The following QSER1 variants were observed in gnomAD, a reference collection of about 807,000 sequenced individuals.
The protein encoded by QSER1 is glutamine and serine rich 1, also known as glutamine and serine-rich protein 1.
Under a neutral mutation model 158.5 loss-of-function variants are expected in QSER1, and 49 were observed. The observed-to-expected ratio is 0.31, with a 90% confidence interval of 0.25 to 0.39. The LOEUF (loss-of-function observed/expected upper bound fraction) is 0.39. QSER1 is among the 10% of genes least tolerant of loss of function. The pLI, the probability that QSER1 is intolerant of heterozygous loss-of-function variation, is 1.00. For synonymous variants in QSER1, 650 were observed against 715.5 expected (o/e 0.91, Z 1.46); for missense variants, 1,754 against 2,010.3 (o/e 0.87, Z 2.44).
chr11:32,913,176 T>C (rs1851789425), intron 1 of QSER1, among the ~76,000 whole-genome samples: 2 of 141,714 alleles, frequency 1.4e-5, no homozygotes, highest in African/African-American at 2.6e-5. Context: ...ATTTCTCCTC[T>C]TCCTTTTTTT....
chr11:32,933,490 C>T lies in QSER1; in HGVS notation c.2232C>T (p.Ser744=). Residue 744 remains serine, a synonymous_variant, in exon 4 of 13, where the codon TCC becomes TCT. Coordinates refer to ENST00000650167, the MANE Select transcript of QSER1 (RefSeq NM_001076786.3). ...CTCAGAGTGTAATCAGAAGTAATTC[C>T]CGTCTTGAAGATCAAGTTATTGGGG... is the stretch of plus-strand genomic sequence containing the variant. ...RYSQSVIRSN[S]RLEDQVIGVA... 2 of 1,611,500 alleles carry T rather than the reference C, an allele frequency of 1.2e-6. No individual in the cohort carries two copies.
chr11:32,947,637 G>A (rs1180554701), intron 4 of QSER1, among the ~76,000 whole-genome samples: 1 of 152,078 alleles, frequency 6.6e-6, no homozygotes, highest in Non-Finnish European at 1.5e-5. Context: ...CTACTTTTGT[G>A]TAGTCTAAAA....
intron 1 of QSER1, among the ~76,000 whole-genome samples, chr11:32,919,912 T>G (rs1462900241): frequency 6.6e-6 from 1 of 152,224 alleles, no homozygotes; most frequent in Non-Finnish European, 1.5e-5. Context: ...TTCAAATAGC[T>G]TGTGTGTTCC....
chr11:32,941,532 T>G (rs1319086292), intron 4 of QSER1, among the ~76,000 whole-genome samples: 1 of 152,052 alleles, frequency 6.6e-6, no homozygotes, highest in Non-Finnish European at 1.5e-5. Context: ...ATTTCCAATT[T>G]CATCCATGTC....
chr11:32,954,323 A>T, intron 5 of QSER1, 144 bp downstream of exon 5: 1 of 913,860 alleles, frequency 1.1e-6, no homozygotes, highest in East Asian at 2.7e-5. Flanking sequence ...TCAAAATATT[A>T]AGAGTAGATG....
chr11:32,979,562 T>C lies in QSER1; in HGVS notation c.*3088T>C, dbSNP rs1853037296. On this transcript the variant is annotated 3_prime_UTR_variant, in exon 13 of 13. Transcript: ENST00000650167. The stretch of plus-strand genomic sequence containing the variant: ...GTATTACACTATCAAATAGGAAACA[T>C]TGGAAAGATGGGGAAAAAAATCTTA... The C allele has an allele frequency of 6.6e-6, 1 of 152,132 alleles. No homozygotes were observed. Among genetic ancestry groups the C allele is most frequent in the South Asian group, 2.1e-4 (1 of 4,830 alleles). The allele number at this position is 152,132 out of a possible 1,614,324, so 9.4% of individuals were successfully genotyped here.
intron 4 of QSER1, among the ~76,000 whole-genome samples, chr11:32,947,198 C>T (rs1249761648): frequency 6.6e-6 from 1 of 152,242 alleles, no homozygotes. Context: ...TTCTGCGTCG[C>T]TCAGGCTGGG....
In QSER1 at chr11:32,976,467, G is replaced by A. The variant is rs752740681; in HGVS notation, c.5588G>A (p.Cys1863Tyr). 8 of 1,608,136 alleles carry A rather than the reference G, an allele frequency of 5.0e-6. No individual in the cohort carries two copies. Among genetic ancestry groups the A allele is most frequent in the Non-Finnish European group, 6.8e-6 (8 of 1,177,978 alleles). ...GELLNHVQQK[C>Y]S is the part of the protein sequence containing the mutation. ...CTTCTAAATCATGTACAGCAGAAAT[G>A]TTCCTGACTTTTCCACAAAAATCCC... The change falls in exon 13 of 13, where the codon TGT becomes TAT. Residue 1863 changes from cysteine (C) to tyrosine (Y), a missense_variant. Cys to Tyr is a radical substitution (Grantham distance 194). Transcript: ENST00000650167.
intron 1 of QSER1, among the ~76,000 whole-genome samples, chr11:32,910,619 G>A (rs1430875124): frequency 6.6e-6 from 1 of 152,290 alleles, no homozygotes; most frequent in East Asian, 1.9e-4. Context: ...TAAAGACATA[G>A]AGACTTAAGT....
chr11:32,896,017 A>G (rs1851549939), intron 1 of QSER1, among the ~76,000 whole-genome samples: 1 of 152,242 alleles, frequency 6.6e-6, no homozygotes, highest in Admixed American at 6.5e-5. Context: ...GTACAGGGAT[A>G]AGGACTGGCC....
At chr11:32,925,491 CTTTTTTATTTAT>C (rs1179459735) in intron 1 of QSER1, among the ~76,000 whole-genome samples, 2 of 136,396 alleles carry the variant, frequency 1.5e-5, no homozygotes, top group Non-Finnish European at 3.3e-5. Flanking sequence ...TGATACATCG[CTTTTTTATTTAT>C]TTATTTATTT....
chr11:32,969,350 T>A (rs1373201527), intron 10 of QSER1, among the ~76,000 whole-genome samples: 1 of 152,188 alleles, frequency 6.6e-6, no homozygotes, highest in Non-Finnish European at 1.5e-5. Flanking sequence ...TAGGCATTTA[T>A]AGTTATCTAT....
In QSER1 at chr11:32,933,407, G is replaced by A. The variant is rs748441560; in HGVS notation, c.2149G>A (p.Gly717Arg). The A allele has an allele frequency of 1.2e-6, 2 of 1,613,858 alleles. No individual in the cohort carries two copies. Among genetic ancestry groups the A allele is most frequent in the Non-Finnish European group, 1.7e-6 (2 of 1,179,938 alleles). The change falls in exon 4 of 13, where the codon GGA becomes AGA. Residue 717 changes from glycine (G) to arginine (R), a missense_variant. Physicochemically the swap from Gly to Arg is moderately radical, Grantham distance 125. Around this residue, in one of 2 missense-constraint regions of QSER1, gnomAD observed 1,707 missense variants for 1,919.6 expected, o/e 0.89. Transcript: ENST00000650167. ...GTCATCAACCCAAAGGCTATCTGATGGAGAAATTAATGCTCAAGAATCAAC... is the reference window on the plus strand; with the variant it reads ...GTCATCAACCCAAAGGCTATCTGATAGAGAAATTAATGCTCAAGAATCAAC... ...LESSTQRLSD[G>R]EINAQESTYK...
intron 11 of QSER1, among the ~76,000 whole-genome samples, chr11:32,974,744 C>A (rs902006883): frequency 6.6e-6 from 1 of 152,088 alleles, no homozygotes; most frequent in Non-Finnish European, 1.5e-5. Context: ...TGGGGAGGGA[C>A]AGCTATATGT....
At chr11:32,927,805 G>A (rs1851993787) in intron 2 of QSER1, among the ~76,000 whole-genome samples, 157 bp from the exon 3 acceptor site, 1 of 152,078 alleles carries the variant, frequency 6.6e-6, no homozygotes, top group Non-Finnish European at 1.5e-5. Flanking sequence ...AATATGCTTG[G>A]TCAAATTAAT....
At position 32,934,103 on chromosome 11, in the gene QSER1, C is replaced by G. The variant is rs866275654; in HGVS notation, c.2845C>G (p.Gln949Glu). ...AAAGGGCCATTTTAGTGAAACAAATCAACATGATTCAAAGAATCAGTTTGT... is the reference window on the plus strand; with the variant it reads ...AAAGGGCCATTTTAGTGAAACAAATGAACATGATTCAAAGAATCAGTTTGT... Reference protein sequence around the residue: ...TTKGHFSETNQHDSKNQFVSL... With the variant: ...TTKGHFSETNEHDSKNQFVSL... Residue 949 changes from glutamine (Q) to glutamate (E), a missense_variant, in exon 4 of 13, where the codon CAA becomes GAA. By Grantham distance (29) the Gln-to-Glu change is conservative. Around this residue, in one of 2 missense-constraint regions of QSER1, gnomAD observed 1,707 missense variants for 1,919.6 expected, o/e 0.89. Transcript: ENST00000650167. 3 of 1,613,806 alleles carry G rather than the reference C, an allele frequency of 1.9e-6. No individual in the cohort carries two copies. In the East Asian group the frequency reaches 6.7e-5, roughly 36 times the overall value.
intron 8 of QSER1, among the ~76,000 whole-genome samples, chr11:32,964,670 C>A (rs1234730669): frequency 7.2e-6 from 1 of 139,574 alleles, no homozygotes; most frequent in Non-Finnish European, 1.5e-5. Flanking sequence ...TCAAGACCAG[C>A]CTGGGCAACA....
At chr11:32,909,170 A>G (rs547930797) in intron 1 of QSER1, among the ~76,000 whole-genome samples, 4 of 152,192 alleles carry the variant, frequency 2.6e-5, no homozygotes, top group Non-Finnish European at 5.9e-5. Flanking sequence ...AAAAATGAAA[A>G]GAAATATATG....
At chr11:32,948,397 T>C (rs899333588) in intron 4 of QSER1, among the ~76,000 whole-genome samples, 1 of 152,212 alleles carries the variant, frequency 6.6e-6, no homozygotes, top group Non-Finnish European at 1.5e-5. Context: ...AATTTTACCA[T>C]CTATGTATGC....
Sources: gnomAD v4.1 joint callset for allele counts (sites outside exome capture counted in the v4.1 genomes callset) on GRCh38, gnomAD v4.1.1 for gene constraint, gnomAD v4.1.1 regional missense constraint, MANE v1.5 for transcripts, NCBI Gene and HGNC (gene_info 2026-07-23, HGNC 2026-07-21) for gene names.